SMYD3: variants seen among roughly 807,000 people sequenced by gnomAD.
SMYD3 encodes the protein SET and MYND domain containing 3, also known as histone-lysine N-methyltransferase SMYD3.
Under a neutral mutation model 57.7 loss-of-function variants are expected in SMYD3, and 36 were observed. The observed-to-expected ratio is 0.62, with a 90% confidence interval of 0.48 to 0.82. The LOEUF (loss-of-function observed/expected upper bound fraction) is 0.82, where lower values mean the gene tolerates loss of function less well. Ranked by LOEUF, SMYD3 falls within the 40% of genes least tolerant of loss-of-function variation. The probability of loss-of-function intolerance (pLI) is 0.00; values close to 1 mark genes in which losing one functional copy is unlikely to be tolerated. For synonymous variants in SMYD3, 211 were observed against 195.0 expected (o/e 1.08, Z -0.68); for missense variants, 515 against 538.8 (o/e 0.96, Z 0.44).
At chr1:246,327,372 A>G (rs775022006) in intron 4 of SMYD3, 35 bp from the exon 5 acceptor site, 1 of 1,573,958 alleles carries the variant, frequency 6.4e-7, no homozygotes, top group South Asian at 1.1e-5. Context: ...CACAATCTCA[A>G]AGTAAACTTC....
chr1:246,438,728 G>A (rs2067417811), intron 1 of SMYD3, among the ~76,000 whole-genome samples: 1 of 151,946 alleles, frequency 6.6e-6, no homozygotes, highest in Admixed American at 6.6e-5. Context: ...ACAGATGCTG[G>A]GGCGGGGGGC....
At chr1:246,088,579 C>T (rs540887688) in intron 5 of SMYD3, among the ~76,000 whole-genome samples, 1,887 of 119,526 alleles carry the variant, frequency 0.016, 61 homozygotes, top group African/African-American at 0.075. Context: ...CACTGCACTC[C>T]AGCCTGGGCG....
At chr1:246,281,137 A>C (rs2064431748) in intron 5 of SMYD3, among the ~76,000 whole-genome samples, 1 of 152,220 alleles carries the variant, frequency 6.6e-6, no homozygotes. Context: ...TGAGTCATTG[A>C]AAAGATACAT....
chr1:245,828,081 CAGAA>C (rs1167663933), intron 10 of SMYD3, among the ~76,000 whole-genome samples: 1 of 152,140 alleles, frequency 6.6e-6, no homozygotes, highest in African/African-American at 2.4e-5. Context: ...GAATACTGAA[CAGAA>C]AGAAAGGAAT....
At chr1:246,191,437 G>C (rs1294981426) in intron 5 of SMYD3, among the ~76,000 whole-genome samples, 1 of 152,168 alleles carries the variant, frequency 6.6e-6, no homozygotes, top group Non-Finnish European at 1.5e-5. Context: ...TGTTTCTTCA[G>C]AAAGACACTG....
intron 5 of SMYD3, among the ~76,000 whole-genome samples, chr1:246,286,237 A>G (rs545709423): frequency 6.6e-6 from 1 of 152,344 alleles, no homozygotes; most frequent in South Asian, 2.1e-4. Flanking sequence ...AAGGATAATA[A>G]CAAAACCTTG....
chr1:245,951,321 T>C (rs2057633025), intron 5 of SMYD3, among the ~76,000 whole-genome samples: 1 of 146,964 alleles, frequency 6.8e-6, no homozygotes, highest in African/African-American at 2.6e-5. Flanking sequence ...TCGTCGTGGC[T>C]CACTTTGGGA....
At chr1:245,778,950 A>T (rs1327421805) in intron 10 of SMYD3, among the ~76,000 whole-genome samples, 1 of 152,146 alleles carries the variant, frequency 6.6e-6, no homozygotes, top group Non-Finnish European at 1.5e-5. Flanking sequence ...ACTTGAGGCC[A>T]GGAGTTCGAG....
intron 10 of SMYD3, among the ~76,000 whole-genome samples, chr1:245,823,114 A>G (rs754309362): frequency 1.3e-5 from 2 of 152,222 alleles, no homozygotes; most frequent in Non-Finnish European, 2.9e-5. Context: ...TGTGAAATAT[A>G]GTAAGATAGA....
In SMYD3 at chr1:246,347,546, C is replaced by A. The variant is rs144082189; in HGVS notation, c.228+7485G>T. Among the ~76,000 whole-genome samples, 819 of 152,230 alleles carry A rather than the reference C, an allele frequency of 5.4e-3. 3 individuals are homozygous for A. Among genetic ancestry groups the A allele is most frequent in the Middle Eastern group, 0.01 (3 of 294 alleles). On this transcript the variant is annotated intron_variant, in intron 2 of 11. Coordinates refer to ENST00000490107, the MANE Select transcript of SMYD3 (RefSeq NM_001167740.2). ...TCTCAAAACACTTGAAAGGTGTGTG[C>A]AATGGTTTGAAGGTCTGTACCCTCC...
At chr1:246,252,595 T>A (rs1198828152) in intron 5 of SMYD3, among the ~76,000 whole-genome samples, 2 of 152,186 alleles carry the variant, frequency 1.3e-5, no homozygotes, top group East Asian at 3.8e-4. Flanking sequence ...TTTTCTCAGA[T>A]TCACTTATAG....
chr1:246,436,507 C>T (rs2067375597), intron 1 of SMYD3, among the ~76,000 whole-genome samples: 1 of 152,332 alleles, frequency 6.6e-6, no homozygotes, highest in Admixed American at 6.5e-5. Flanking sequence ...GACATCACCA[C>T]AGTAATACAT....
At chr1:245,901,733 G>C (rs2054195289) in intron 8 of SMYD3, among the ~76,000 whole-genome samples, 1 of 152,210 alleles carries the variant, frequency 6.6e-6, no homozygotes, top group African/African-American at 2.4e-5. Flanking sequence ...GCACAAAAGG[G>C]ACAGGGACTC....
At chr1:246,487,409 G>A (rs577118547) in intron 1 of SMYD3, among the ~76,000 whole-genome samples, 45 of 151,992 alleles carry the variant, frequency 3.0e-4, no homozygotes, top group Admixed American at 9.8e-4. Flanking sequence ...GCAGTGAGCC[G>A]AGATTGCACC....
rs112604167 is a variant in SMYD3, at chr1:246,148,531, C to CTT, written c.531+178669_531+178670insAA. On this transcript the variant is annotated intron_variant, in intron 5 of 11. Coordinates refer to ENST00000490107, the MANE Select transcript of SMYD3 (RefSeq NM_001167740.2). ...ATTCTTCCTGGACACAGGACAAAAA[C>CTT]GGGCAAAGGTGCCACCAGCCACAGA... Among the ~76,000 whole-genome samples, 239 of 152,266 alleles carry CTT rather than the reference C, an allele frequency of 1.6e-3. 1 individual carries two copies. The highest frequency in any genetic ancestry group is 5.3e-3 in the African/African-American group (221 of 41,552).
At chr1:245,765,862 A>T (rs1558314281) in intron 10 of SMYD3, among the ~76,000 whole-genome samples, 1 of 152,040 alleles carries the variant, frequency 6.6e-6, no homozygotes. Context: ...TCATCCATGA[A>T]CCCAGAGAAC....
intron 5 of SMYD3, among the ~76,000 whole-genome samples, chr1:246,065,326 T>C (rs1179931669): frequency 6.6e-6 from 1 of 152,216 alleles, no homozygotes; most frequent in Non-Finnish European, 1.5e-5. Context: ...TGAGGACAGA[T>C]GCGCGCCTTA....
chr1:246,378,870 A>ATATATAATATATTATATATAAT (rs1558433904), intron 1 of SMYD3, among the ~76,000 whole-genome samples: 1 of 121,202 alleles, frequency 8.3e-6, no homozygotes, highest in African/African-American at 3.2e-5. Flanking sequence ...GTATATATAA[A>ATATATAATATATTATATATAAT]TATATTATAT....
intron 1 of SMYD3, among the ~76,000 whole-genome samples, chr1:246,424,849 T>C (rs1226769335): frequency 2.0e-5 from 3 of 152,234 alleles, no homozygotes; most frequent in East Asian, 1.9e-4. Context: ...GTTTATCTTA[T>C]ATATGCTACA....
Sources: allele counts gnomAD v4.1 joint callset (sites outside exome capture counted in the v4.1 genomes callset), GRCh38; gene constraint gnomAD v4.1.1; transcripts MANE v1.5; gene names NCBI Gene and HGNC (gene_info 2026-07-23, HGNC 2026-07-21).